ROBO2: variants seen among roughly 807,000 people sequenced by gnomAD.
ROBO2 encodes roundabout guidance receptor 2.
In ROBO2, 53 loss-of-function variants were observed where a neutral mutation model predicts 160.8. That is an observed-to-expected ratio of 0.33 (90% CI 0.26 to 0.41). ROBO2 has a LOEUF of 0.41. ROBO2 is among the 10% of genes least tolerant of loss of function. The pLI, the probability that ROBO2 is intolerant of heterozygous loss-of-function variation, is 1.00. For missense variants in ROBO2, 1,577 were observed against 1,722.4 expected (o/e 0.92, Z 1.49); for synonymous variants, 664 against 611.7 (o/e 1.09, Z -1.26).
chr3:76,084,138 C>A lies in ROBO2; in HGVS notation c.109+146536C>A, dbSNP rs577133850. On this transcript the variant is annotated intron_variant, in intron 2 of 26. Transcript: ENST00000487694. Reference sequence around the variant, plus strand: ...GAGGGAATATGAGAAACAGCTGCTGCCATGTTGTAATCATAAAAGCAAACC... The same window carrying A: ...GAGGGAATATGAGAAACAGCTGCTGACATGTTGTAATCATAAAAGCAAACC... 5.9e-5 allele frequency among the ~76,000 whole-genome samples: 9 copies of A among 152,184 alleles called. No homozygotes were observed. In the South Asian group the frequency reaches 1.9e-3, roughly 32 times the overall value.
chr3:76,993,222 A>AT (rs1257174944), intron 2 of ROBO2, among the ~76,000 whole-genome samples: 5 of 152,188 alleles, frequency 3.3e-5, no homozygotes, highest in African/African-American at 1.2e-4. Context: ...CTGTTGATCA[A>AT]TTTTTGTCTC....
intron 2 of ROBO2, among the ~76,000 whole-genome samples, chr3:77,139,711 G>A (rs2076554324): frequency 1.3e-5 from 2 of 152,178 alleles, no homozygotes; most frequent in South Asian, 4.1e-4. Context: ...TTTTGTTCAT[G>A]TAGGCTGTAT....
At chr3:76,348,785 C>T (rs547834926) in intron 2 of ROBO2, among the ~76,000 whole-genome samples, 1 of 152,218 alleles carries the variant, frequency 6.6e-6, no homozygotes, top group South Asian at 2.1e-4. Flanking sequence ...CCAAGGCCGT[C>T]TAACCACAAA....
At chr3:76,638,212 T>C (rs1304684238) in intron 2 of ROBO2, among the ~76,000 whole-genome samples, 8 of 152,192 alleles carry the variant, frequency 5.3e-5, no homozygotes. Flanking sequence ...TGAATGCTTT[T>C]GTGACTGTGT....
chr3:76,924,595 A>G (rs2076864256), intron 2 of ROBO2, among the ~76,000 whole-genome samples: 1 of 152,204 alleles, frequency 6.6e-6, no homozygotes, highest in South Asian at 2.1e-4. Flanking sequence ...TTTTACTCTT[A>G]CAAGCTAAAG....
At chr3:76,735,256 A>T (rs2093690264) in intron 2 of ROBO2, among the ~76,000 whole-genome samples, 1 of 152,234 alleles carries the variant, frequency 6.6e-6, no homozygotes, top group African/African-American at 2.4e-5. Flanking sequence ...CCACCAAGCC[A>T]AACAAAAGAA....
rs1195532862 is a variant in ROBO2 at position 76,574,373 on chromosome 3, AC to A, written c.110-523638del. Among the ~76,000 whole-genome samples the A allele has an allele frequency of 5.3e-5, 8 of 152,178 alleles. No homozygotes were observed. The East Asian group carries it at 1.4e-3, about 26-fold the overall frequency. On this transcript the variant is annotated intron_variant, in intron 2 of 26. Coordinates refer to the ROBO2 transcript ENST00000487694. ...ATTGGAAAAATATCCTAAAAAGTAA[AC>A]CCATTCTGGAGATCATTCTCTTTAT... is the stretch of plus-strand genomic sequence containing the variant.
chr3:77,330,646 G>C (rs774502786), intron 2 of ROBO2, among the ~76,000 whole-genome samples: 1 of 152,166 alleles, frequency 6.6e-6, no homozygotes, highest in South Asian at 2.1e-4. Flanking sequence ...TTTGTGATGC[G>C]TCTTTAAGGG....
chr3:77,459,887 C>G (rs558758478), intron 2 of ROBO2, among the ~76,000 whole-genome samples: 1 of 148,246 alleles, frequency 6.7e-6, no homozygotes, highest in Admixed American at 6.8e-5. Flanking sequence ...ATCTCTTGAA[C>G]CTTGTAGGCC....
In ROBO2 at chr3:76,133,503, A is replaced by T. The variant is rs1176697403; in HGVS notation, c.109+195901A>T. On this transcript the variant is annotated intron_variant, in intron 2 of 26. Transcript: ENST00000487694. ...TTTACTGGGAGAATTGACTCACATG[A>T]TCACAAAGTGAAGTCCCACAACAGG... 2.6e-5 allele frequency among the ~76,000 whole-genome samples: 4 copies of T among 152,012 alleles called. No individual in the cohort carries two copies. In the East Asian group the frequency reaches 7.7e-4, roughly 29 times the overall value.
At chr3:76,360,274 A>G (rs568792051) in intron 2 of ROBO2, among the ~76,000 whole-genome samples, 4 of 152,236 alleles carry the variant, frequency 2.6e-5, no homozygotes, top group South Asian at 4.1e-4. Flanking sequence ...AAAGAAAACA[A>G]TAAGTTTCCC....
Position 77,128,056 on chromosome 3 carries a change from C to T in ROBO2, c.388+29716C>T, listed in dbSNP as rs116121307. On this transcript the variant is annotated intron_variant, in intron 2 of 25. Coordinates refer to ENST00000461745, the Ensembl canonical transcript of ROBO2. ...GTGATACTTATATTTTATAATTAAA[C>T]GTGATTTATTCATTTATGATTCATT... 3.0e-3 allele frequency among the ~76,000 whole-genome samples: 457 copies of T among 152,138 alleles called. 2 individuals are homozygous for T. Among genetic ancestry groups the T allele is most frequent in the Middle Eastern group, 0.01 (3 of 294 alleles).
chr3:77,214,480 C>T (rs549436941), intron 2 of ROBO2, among the ~76,000 whole-genome samples: 1 of 152,250 alleles, frequency 6.6e-6, no homozygotes, highest in Non-Finnish European at 1.5e-5. Context: ...TGTCGCTGCA[C>T]ATGAGATCAG....
At chr3:75,946,732 A>G (rs1167657780) in intron 2 of ROBO2, among the ~76,000 whole-genome samples, 1 of 152,110 alleles carries the variant, frequency 6.6e-6, no homozygotes, top group Non-Finnish European at 1.5e-5. Context: ...GTTTCTTACA[A>G]AGAAAGCCAG....
intron 6 of ROBO2, 140 bp downstream of exon 7, chr3:77,527,554 G>T: frequency 1.8e-6 from 1 of 555,106 alleles, no homozygotes; most frequent in Non-Finnish European, 2.5e-6. Context: ...TGTAAAAGTT[G>T]CTCATGTTTT....
At chr3:76,795,752 A>C (rs866160731) in intron 2 of ROBO2, among the ~76,000 whole-genome samples, 1 of 152,110 alleles carries the variant, frequency 6.6e-6, no homozygotes. Flanking sequence ...ATGAGTCACA[A>C]ATATTCTTAA....
chr3:77,646,115 G>T (rs564779527), exon 26 of ROBO2: 2 of 1,367,582 alleles, frequency 1.5e-6, no homozygotes, highest in Non-Finnish European at 2.1e-6. Context: ...ACTCATGGAA[G>T]TGATGACTCT....
rs749473828 is a variant in ROBO2, at chr3:77,216,622, G to A, written c.388+118282G>A. On this transcript the variant is annotated intron_variant, in intron 2 of 25. Transcript: ENST00000461745. ...CGACATTCCCCAGTGAGATGAACCC[G>A]GTACCTCAGTTGGAAATGCAGAAAT... Among the ~76,000 whole-genome samples, 22 of 152,238 alleles carry A rather than the reference G, an allele frequency of 1.4e-4. 1 individual carries two copies. The highest frequency in any genetic ancestry group is 4.1e-4 in the African/African-American group (17 of 41,544).
At chr3:77,345,034 A>AAAAC (rs1455356985) in intron 2 of ROBO2, among the ~76,000 whole-genome samples, 2 of 152,124 alleles carry the variant, frequency 1.3e-5, no homozygotes, top group Non-Finnish European at 2.9e-5. Context: ...CTTACAGTTT[A>AAAAC]TGTGGGTCAA....
Sources: gnomAD v4.1 joint callset for allele counts (sites outside exome capture counted in the v4.1 genomes callset) on GRCh38, gnomAD v4.1.1 for gene constraint, MANE v1.5 for transcripts, NCBI Gene and HGNC (gene_info 2026-07-23, HGNC 2026-07-21) for gene names.